ELP4: variants seen among roughly 807,000 people sequenced by gnomAD.
The protein encoded by ELP4 is elongator acetyltransferase complex subunit 4.
A neutral mutation model predicts 48.9 loss-of-function variants in ELP4; 51 were observed. That is an observed-to-expected ratio of 1.04 (90% CI 0.83 to 1.32). The LOEUF (loss-of-function observed/expected upper bound fraction) is 1.32. ELP4 is among the 40% of genes most tolerant of loss of function. ELP4 has a pLI of 0.00. For missense variants in ELP4, 519 were observed against 514.6 expected (o/e 1.01, Z -0.08); for synonymous variants, 210 against 189.2 (o/e 1.11, Z -0.90).
At chr11:31,773,383 C>T (rs1164660735) in intron 9 of ELP4, among the ~76,000 whole-genome samples, 1 of 152,204 alleles carries the variant, frequency 6.6e-6, no homozygotes, top group Non-Finnish European at 1.5e-5. Flanking sequence ...TGCCATCAAA[C>T]TGGCCAGCAG....
Position 31,515,737 on chromosome 11 carries a change from C to T in ELP4, c.224-4319C>T, listed in dbSNP as rs557612992. On this transcript the variant is annotated intron_variant, in intron 1 of 9. Transcript: ENST00000640961. ...TCTGAGTACCTTTCTGGGCCAGATA[C>T]CTCTACTTGGTAATCACTTCATGTA... Among the ~76,000 whole-genome samples the T allele has an allele frequency of 1.4e-4, 22 of 152,210 alleles. No homozygotes were observed. In the South Asian group the frequency reaches 4.4e-3, roughly 30 times the overall value.
intron 9 of ELP4, among the ~76,000 whole-genome samples, chr11:31,690,206 G>A (rs193022563): frequency 6.4e-4 from 98 of 152,232 alleles, no homozygotes; most frequent in African/African-American, 2.0e-3. Flanking sequence ...AGGAATAGCT[G>A]ACTCAAAAGC....
intron 9 of ELP4, among the ~76,000 whole-genome samples, chr11:31,749,951 G>T (rs1253493698): frequency 6.6e-6 from 1 of 151,564 alleles, no homozygotes; most frequent in East Asian, 1.9e-4. Flanking sequence ...CGCCTCCCAG[G>T]TTCACGCCAT....
At chr11:31,616,990 A>T (rs531923198) in intron 5 of ELP4, among the ~76,000 whole-genome samples, 1 of 152,138 alleles carries the variant, frequency 6.6e-6, no homozygotes, top group Non-Finnish European at 1.5e-5. Flanking sequence ...TTGGGTTGTA[A>T]AATGTGTAAC....
chr11:31,701,564 A>T (rs985138410), intron 9 of ELP4, among the ~76,000 whole-genome samples: 15 of 151,850 alleles, frequency 9.9e-5, no homozygotes, highest in Non-Finnish European at 1.9e-4. Flanking sequence ...TTGCCTAAAC[A>T]TAATTTTATA....
At chr11:31,743,852 C>A (rs1203410694) in intron 9 of ELP4, among the ~76,000 whole-genome samples, 1 of 152,062 alleles carries the variant, frequency 6.6e-6, no homozygotes, top group East Asian at 1.9e-4. Flanking sequence ...AAAGCAAGAG[C>A]AAACACATTC....
At chr11:31,567,979 C>G (rs1019790295) in intron 3 of ELP4, among the ~76,000 whole-genome samples, 2 of 152,138 alleles carry the variant, frequency 1.3e-5, no homozygotes, top group Admixed American at 6.6e-5. Context: ...ATTGACTCTT[C>G]TTCTTATTAA....
intron 3 of ELP4, among the ~76,000 whole-genome samples, chr11:31,582,645 C>T (rs927724720): frequency 2.6e-5 from 4 of 152,126 alleles, no homozygotes; most frequent in Non-Finnish European, 4.4e-5. Flanking sequence ...TCTTCTCTGT[C>T]CATTCATATT....
intron 3 of ELP4, among the ~76,000 whole-genome samples, chr11:31,558,756 C>T (rs911665549): frequency 6.6e-6 from 1 of 151,960 alleles, no homozygotes; most frequent in Non-Finnish European, 1.5e-5. Flanking sequence ...TATTTTAGTC[C>T]TCCAATTTAA....
At chr11:31,555,041 G>C (rs1034385927) in intron 3 of ELP4, among the ~76,000 whole-genome samples, 1 of 152,082 alleles carries the variant, frequency 6.6e-6, no homozygotes, top group African/African-American at 2.4e-5. Context: ...GATGAGTACC[G>C]AAAGTAGTCA....
At chr11:31,725,519 C>T (rs1167659674) in intron 9 of ELP4, among the ~76,000 whole-genome samples, 2 of 152,212 alleles carry the variant, frequency 1.3e-5, no homozygotes, top group African/African-American at 4.8e-5. Flanking sequence ...CAGATAAGCA[C>T]ATTCTCTGCC....
At chr11:31,589,803 C>G (rs893121516) in intron 3 of ELP4, among the ~76,000 whole-genome samples, 4 of 152,166 alleles carry the variant, frequency 2.6e-5, no homozygotes, top group South Asian at 4.1e-4. Flanking sequence ...TGCCTTCTTA[C>G]TTTGCTCCAG....
Position 31,603,900 on chromosome 11 carries a change from G to C in ELP4, c.646G>C (p.Glu216Gln). Residue 216 changes from glutamate to glutamine, a missense_variant, in exon 5 of 10, where the codon GAA (glutamate) becomes CAA (glutamine). By Grantham distance (29) the Glu-to-Gln change is conservative (BLOSUM62 2). Coordinates refer to ENST00000640961, the MANE Select transcript of ELP4 (RefSeq NM_019040.5). Reference sequence around the variant, plus strand: ...GAAAATATCTTCAACTCTCAAAGTAGAACCCTGGTAAGTTAATGACCCATT... The same window carrying C: ...GAAAATATCTTCAACTCTCAAAGTACAACCCTGGTAAGTTAATGACCCATT... ...PEKISSTLKV[E>Q]PCSLTPGYTK... The C allele has an allele frequency of 6.2e-7, 1 of 1,610,558 alleles. No homozygotes were observed. Among genetic ancestry groups the C allele is most frequent in the South Asian group, 1.1e-5 (1 of 90,714 alleles).
At chr11:31,741,211 G>A (rs939062252) in intron 9 of ELP4, among the ~76,000 whole-genome samples, 49 of 152,072 alleles carry the variant, frequency 3.2e-4, no homozygotes, top group South Asian at 6.2e-4. Context: ...CGCCATAGCC[G>A]AGTTAGTTGT....
Position 31,783,886 on chromosome 11 carries a change from T to C in ELP4, c.*362T>C, listed in dbSNP as rs1339654839. On this transcript the variant is annotated 3_prime_UTR_variant, in exon 10 of 10. Coordinates refer to ENST00000640961, the MANE Select transcript of ELP4 (RefSeq NM_019040.5). ...CAAAACATGATGAAATTCAAGATTG[T>C]ATGTGAAAACATACTTTCTCTTTAT... 2.5e-5 allele frequency: 4 copies of C among 161,026 alleles called. No individual in the cohort carries two copies. Among genetic ancestry groups the C allele is most frequent in the Non-Finnish European group, 5.4e-5 (4 of 74,232 alleles). The allele number at this position is 161,026 out of a possible 1,614,324, so 10.0% of individuals were successfully genotyped here. A position where few individuals can be genotyped will look rare whatever the true frequency, so the allele number is the denominator to read the frequency against.
rs1356751261 is a variant in ELP4 at position 31,724,189 on chromosome 11, G to A, written c.1144-59204G>A. The stretch of plus-strand genomic sequence containing the variant: ...GAAGTTACCAGGCCCCTCTTATATT[G>A]TTAGTGCATGCTTAGGCCCCTCTAG... On this transcript the variant is annotated intron_variant, in intron 9 of 9. Coordinates refer to ENST00000640961, the MANE Select transcript of ELP4 (RefSeq NM_019040.5). Among the ~76,000 whole-genome samples, 5 of 152,110 alleles carry A rather than the reference G, an allele frequency of 3.3e-5. No individual in the cohort carries two copies. In the East Asian group the frequency reaches 7.7e-4, roughly 23 times the overall value.
Position 31,790,064 on chromosome 11 carries a change from G to T in ELP4, c.*6540G>T. ...ATAGCCATGTAGATATTCCCTTTGA[G>T]AAACAGACATGGAATACAAATTTAT... On this transcript the variant is annotated 3_prime_UTR_variant, in exon 10 of 10. Coordinates refer to ENST00000640961, the MANE Select transcript of ELP4 (RefSeq NM_019040.5). 1 of 325,948 alleles carries T rather than the reference G, an allele frequency of 3.1e-6. No homozygotes were observed. Among genetic ancestry groups the T allele is most frequent in the Non-Finnish European group, 5.3e-6 (1 of 189,618 alleles). 20.2% of individuals were successfully genotyped at this position (325,948 alleles called of 1,614,324 possible).
Position 31,594,773 on chromosome 11 carries a change from C to G in ELP4, c.385C>G (p.Leu129Val), listed in dbSNP as rs768653696. The change falls in exon 4 of 10, where the codon CTT (leucine) becomes GTT (valine). Residue 129 changes from leucine to valine, a missense_variant. By Grantham distance (32) the Leu-to-Val change is conservative. Transcript: ENST00000640961. Reference sequence around the variant, plus strand: ...ATGTGTCATTTTGTTTTCTTAGGAACTTCCAGCACCATTACTTGATGATAA... The same window carrying G: ...ATGTGTCATTTTGTTTTCTTAGGAAGTTCCAGCACCATTACTTGATGATAA... ...KEDPANILQE[L>V]PAPLLDDKCK... 3.3e-6 allele frequency: 5 copies of G among 1,499,868 alleles called. No individual in the cohort carries two copies. In the South Asian group the frequency reaches 7.1e-5, roughly 21 times the overall value. 92.9% of individuals were successfully genotyped at this position (1,499,868 alleles called of 1,614,324 possible).
At chr11:31,730,127 A>G (rs1947153897) in intron 9 of ELP4, among the ~76,000 whole-genome samples, 1 of 152,050 alleles carries the variant, frequency 6.6e-6, no homozygotes, top group Admixed American at 6.6e-5. Flanking sequence ...AATTCATTGC[A>G]CCCTCTCACC....
Sources: gnomAD v4.1 joint callset for allele counts (sites outside exome capture counted in the v4.1 genomes callset) on GRCh38, gnomAD v4.1.1 for gene constraint, MANE v1.5 for transcripts, NCBI Gene and HGNC (gene_info 2026-07-23, HGNC 2026-07-21) for gene names.